Variants in B3GALT1 observed in about 807,000 individuals in gnomAD.
B3GALT1 encodes the protein beta-1,3-galactosyltransferase 1, also known as UDP-Gal:betaGlcNAc beta 1,3-galactosyltransferase, polypeptide 1.
A neutral mutation model predicts 23.2 loss-of-function variants in B3GALT1; 10 were observed. That is an observed-to-expected ratio of 0.43 (90% CI 0.27 to 0.73). The LOEUF (loss-of-function observed/expected upper bound fraction) is 0.73. Among genes scored for constraint, B3GALT1 ranks in the 30% least tolerant of loss-of-function variants. The probability of loss-of-function intolerance (pLI) is 0.21; values close to 1 mark genes in which losing one functional copy is unlikely to be tolerated. For synonymous variants in B3GALT1, 156 were observed against 141.5 expected, an observed-to-expected ratio of 1.10 and a Z score of -0.73; for missense variants, 299 against 405.4, an observed-to-expected ratio of 0.74 and a Z score of 2.25.
chr2:167,821,346 A>AG (rs760414638), intron 4 of B3GALT1, among the ~76,000 whole-genome samples: 2 of 151,916 alleles, frequency 1.3e-5, no homozygotes, highest in Non-Finnish European at 2.9e-5. Context: ...CCCAAGCAGA[A>AG]AGCAAATTGC....
intron 1 of B3GALT1, among the ~76,000 whole-genome samples, chr2:167,351,733 A>T (rs1697311416): frequency 1.3e-5 from 2 of 152,202 alleles, no homozygotes; most frequent in South Asian, 4.1e-4. Flanking sequence ...ATATGAAATG[A>T]TTCAATTTTC....
At chr2:167,739,072 C>T (rs1197502690) in intron 3 of B3GALT1, among the ~76,000 whole-genome samples, 1 of 152,160 alleles carries the variant, frequency 6.6e-6, no homozygotes, top group African/African-American at 2.4e-5. Flanking sequence ...TCCCTCTGCC[C>T]CTCTGCTCTA....
rs562546031 is a variant in B3GALT1 at position 167,457,279 on chromosome 2, T to G, written c.-510-32898T>G. Reference sequence around the variant, plus strand: ...CTTCCGCCTCCCAGGTTCAAACGATTCTCCTGCCTCAGCCTCCCACGTAGC... The same window carrying G: ...CTTCCGCCTCCCAGGTTCAAACGATGCTCCTGCCTCAGCCTCCCACGTAGC... On this transcript the variant is annotated intron_variant, in intron 1 of 4. Coordinates refer to ENST00000392690, the MANE Select transcript of B3GALT1 (RefSeq NM_020981.4). Among the ~76,000 whole-genome samples, 528 of 152,102 alleles carry G rather than the reference T, an allele frequency of 3.5e-3. 5 individuals are homozygous for G. Among genetic ancestry groups the G allele is most frequent in the South Asian group, 7.1e-3 (34 of 4,814 alleles).
intron 1 of B3GALT1, among the ~76,000 whole-genome samples, chr2:167,428,337 T>G (rs1698654027): frequency 6.6e-6 from 1 of 152,222 alleles, no homozygotes; most frequent in Admixed American, 6.5e-5. Flanking sequence ...CCCTGTGGCA[T>G]GCCAGAAATT....
intron 4 of B3GALT1, among the ~76,000 whole-genome samples, chr2:167,832,823 GTT>G (rs1689379212): frequency 2.0e-5 from 3 of 152,336 alleles, no homozygotes; most frequent in Admixed American, 2.0e-4. Flanking sequence ...CAGTGTAGTA[GTT>G]AAATGTACAA....
intron 3 of B3GALT1, among the ~76,000 whole-genome samples, chr2:167,750,734 C>CAAA (rs527622209): frequency 5.0e-4 from 29 of 58,522 alleles, no homozygotes; most frequent in African/African-American, 1.2e-3. Flanking sequence ...GACTGTTGAG[C>CAAA]AAAAAAAAAA....
intron 3 of B3GALT1, among the ~76,000 whole-genome samples, chr2:167,806,360 A>G (rs1688753086): frequency 1.3e-5 from 2 of 152,194 alleles, no homozygotes; most frequent in Admixed American, 6.5e-5. Context: ...AACTTCCAAC[A>G]CTATGTTGAA....
At chr2:167,663,604 A>C (rs1479432786) in intron 3 of B3GALT1, among the ~76,000 whole-genome samples, 1 of 150,108 alleles carries the variant, frequency 6.7e-6, no homozygotes, top group South Asian at 2.1e-4. Flanking sequence ...CTATTTCTCC[A>C]CATCCTCTCC....
intron 2 of B3GALT1, among the ~76,000 whole-genome samples, chr2:167,499,939 TTAAG>T (rs1460307577): frequency 1.3e-5 from 2 of 152,132 alleles, no homozygotes; most frequent in Non-Finnish European, 2.9e-5. Flanking sequence ...TACTAGAAGT[TTAAG>T]TAAAATACTG....
chr2:167,374,314 C>T (rs150770725), intron 1 of B3GALT1, among the ~76,000 whole-genome samples: 60 of 152,290 alleles, frequency 3.9e-4, no homozygotes, highest in African/African-American at 1.3e-3. Flanking sequence ...AATAGTTCTG[C>T]GATGAACATG....
At chr2:167,626,171 T>C (rs1685340791) in intron 2 of B3GALT1, among the ~76,000 whole-genome samples, 1 of 151,274 alleles carries the variant, frequency 6.6e-6, no homozygotes, top group South Asian at 2.1e-4. Context: ...ACCATATTTA[T>C]TTTTTGGTGT....
chr2:167,664,580 C>A (rs1184768910), intron 3 of B3GALT1, among the ~76,000 whole-genome samples: 1 of 151,318 alleles, frequency 6.6e-6, no homozygotes, highest in Non-Finnish European at 1.5e-5. Flanking sequence ...GATATTGATT[C>A]TTCCTACCCA....
intron 2 of B3GALT1, among the ~76,000 whole-genome samples, chr2:167,602,865 A>G (rs562951476): frequency 6.6e-6 from 1 of 152,268 alleles, no homozygotes; most frequent in East Asian, 1.9e-4. Flanking sequence ...GCTGGTCCCA[A>G]ATGACAGTTT....
intron 2 of B3GALT1, among the ~76,000 whole-genome samples, chr2:167,521,145 T>C (rs1204528255): frequency 6.6e-6 from 1 of 152,190 alleles, no homozygotes; most frequent in Non-Finnish European, 1.5e-5. Flanking sequence ...TTTGCCATTC[T>C]TCCACCCAAG....
intron 1 of B3GALT1, among the ~76,000 whole-genome samples, chr2:167,434,890 T>A (rs1396856828): frequency 6.6e-6 from 1 of 152,026 alleles, no homozygotes; most frequent in Non-Finnish European, 1.5e-5. Context: ...ACAAAACATA[T>A]GTAAAGAAAG....
chr2:167,294,963 G>A (rs1330749994), intron 1 of B3GALT1, among the ~76,000 whole-genome samples: 3 of 152,174 alleles, frequency 2.0e-5, no homozygotes, highest in African/African-American at 7.2e-5. Flanking sequence ...AGTAAGGCAC[G>A]TAATAGAAAT....
intron 2 of B3GALT1, among the ~76,000 whole-genome samples, chr2:167,521,968 A>AT (rs1700193318): frequency 7.2e-6 from 1 of 138,860 alleles, no homozygotes; most frequent in African/African-American, 2.7e-5. Context: ...ACCAACATAT[A>AT]TGTGTGTGTG....
At chr2:167,666,105 C>T (rs1686178155) in intron 3 of B3GALT1, among the ~76,000 whole-genome samples, 1 of 152,194 alleles carries the variant, frequency 6.6e-6, no homozygotes, top group African/African-American at 2.4e-5. Flanking sequence ...AAATTTCCCT[C>T]TACACACTGC....
chr2:167,757,246 G>A (rs7592450), intron 3 of B3GALT1, among the ~76,000 whole-genome samples: 3,213 of 152,176 alleles, frequency 0.021, 122 homozygotes, highest in African/African-American at 0.072. Flanking sequence ...GTAATAATGG[G>A]CTGTGTGTAA....
Sources: allele counts gnomAD v4.1 joint callset (sites outside exome capture counted in the v4.1 genomes callset), GRCh38; gene constraint gnomAD v4.1.1; transcripts MANE v1.5; gene names NCBI Gene and HGNC (gene_info 2026-07-23, HGNC 2026-07-21).